The following KANSL1 variants were observed in gnomAD, a reference collection of about 807,000 sequenced individuals.
KANSL1 encodes MLL1/MLL complex subunit KANSL1.
A neutral mutation model predicts 103.6 loss-of-function variants in KANSL1; 22 were observed. The observed-to-expected ratio is 0.21, with a 90% CI of 0.15 to 0.30. KANSL1 has a LOEUF of 0.30. Among genes scored for constraint, KANSL1 ranks in the 10% least tolerant of loss-of-function variants. The pLI is 1.00. For missense variants in KANSL1, 1,337 were observed against 1,399.8 expected, an observed-to-expected ratio of 0.96 and a Z score of 0.72; for synonymous variants, 600 against 527.6, an observed-to-expected ratio of 1.14 and a Z score of -1.88.
rs780165589 is a variant in KANSL1 at position 46,031,618 on chromosome 17, C to T, written c.3176G>A (p.Arg1059Gln). Residue 1059 changes from arginine (R) to glutamine (Q), a missense_variant, in exon 15 of 15, where the codon CGA becomes CAA. Physicochemically the swap from Arg to Gln is conservative, Grantham distance 43. Around this residue, in one of 2 missense-constraint regions of KANSL1, gnomAD observed 780 missense variants for 923.4 expected, o/e 0.84. Transcript: ENST00000432791. ...ECEDQLDAQE[R>Q]AARCTRRTSG... ...GGTGCGTCGAGTGCAGCGGGCTGCT[C>T]GCTCCTGTGCATCCAGCTGGTCCTC... 3.7e-6 allele frequency: 6 copies of T among 1,613,946 alleles called. No homozygotes were observed. Among genetic ancestry groups the T allele is most frequent in the African/African-American group, 2.7e-5 (2 of 74,910 alleles).
At chr17:46,195,942 A>G (rs2047592734), upstream of KANSL1, 1 of 158,896 alleles carries the variant, frequency 6.3e-6, no homozygotes, top group Non-Finnish European at 1.4e-5. Context: ...AACAAACAAA[A>G]AAAGATTTAA....
intron 1 of KANSL1, among the ~76,000 whole-genome samples, chr17:46,172,981 C>G (rs1257932407): frequency 2.0e-5 from 3 of 152,208 alleles, no homozygotes; most frequent in Non-Finnish European, 4.4e-5. Flanking sequence ...AAATAACTGT[C>G]TCTGCACTCT....
At chr17:46,096,530 G>A (rs1256127406) in intron 2 of KANSL1, among the ~76,000 whole-genome samples, 1 of 151,726 alleles carries the variant, frequency 6.6e-6, no homozygotes, top group Non-Finnish European at 1.5e-5. Flanking sequence ...ATGTTGGTCA[G>A]GCTGGTCTCA....
At chr17:46,094,413 T>C in intron 3 of KANSL1, 147 bp downstream of exon 3, 1 of 1,015,296 alleles carries the variant, frequency 9.8e-7, no homozygotes, top group Non-Finnish European at 1.4e-6. Flanking sequence ...GGTTCTTAAA[T>C]TAAACCACTA....
At chr17:46,169,869 A>G (rs918936991) in intron 2 of KANSL1, among the ~76,000 whole-genome samples, 4 of 152,226 alleles carry the variant, frequency 2.6e-5, no homozygotes, top group African/African-American at 9.7e-5. Flanking sequence ...AATTTTCTCA[A>G]ACCAACAGAT....
chr17:46,183,630 G>C (rs1465229011), intron 1 of KANSL1, among the ~76,000 whole-genome samples: 1 of 150,870 alleles, frequency 6.6e-6, no homozygotes, highest in Admixed American at 6.6e-5. Flanking sequence ...GAAAAGGAGG[G>C]AAAGAAGGAA....
At chr17:46,034,030 T>C (rs2077083013) in intron 11 of KANSL1, 131 bp downstream of exon 11, 4 of 1,154,962 alleles carry the variant, frequency 3.5e-6, no homozygotes, top group African/African-American at 3.1e-5. Context: ...TTCGTTCTTA[T>C]CAGATAAGAA....
chr17:46,092,163 A>G (rs1316053388), intron 3 of KANSL1, among the ~76,000 whole-genome samples: 2 of 152,168 alleles, frequency 1.3e-5, no homozygotes, highest in Non-Finnish European at 2.9e-5. Flanking sequence ...GCACTTTATG[A>G]TGTTCACGCA....
Position 46,082,280 on chromosome 17 carries a change from C to T in KANSL1, c.1533+161G>A, listed in dbSNP as rs117475340. Among the ~76,000 whole-genome samples, 1,364 of 152,250 alleles carry T rather than the reference C, an allele frequency of 9.0e-3. 7 individuals carry two copies. The highest frequency in any genetic ancestry group is 0.012 in the Non-Finnish European group (808 of 68,022). The stretch of plus-strand genomic sequence containing the variant: ...AGCTGCAGGATGGGCCCTAGATTCC[C>T]TATTCAGGAATTCAGATCTTAAAAC... On this transcript the variant is annotated intron_variant, in intron 4 of 14. Transcript: ENST00000432791.
At chr17:46,184,837 C>CT (rs66507225) in intron 1 of KANSL1, among the ~76,000 whole-genome samples, 8,605 of 128,162 alleles carry the variant, frequency 0.067, 924 homozygotes, top group African/African-American at 0.21. Flanking sequence ...AGAGTATGTA[C>CT]TTTTTTTTTT....
At position 46,123,151 on chromosome 17, in the gene KANSL1, C is replaced by A. The variant is rs184286499; in HGVS notation, c.1290-28450G>T. Among the ~76,000 whole-genome samples the A allele has an allele frequency of 2.0e-5, 3 of 152,292 alleles. No homozygotes were observed. The East Asian group carries it at 5.8e-4, about 29-fold the overall frequency. ...CAACACTTTGGGAGGCGGCGGCAGG[C>A]GGATCACCTGAGGTCAAGAGTTTGA... On this transcript the variant is annotated intron_variant, in intron 2 of 14. Coordinates refer to ENST00000432791, the MANE Select transcript of KANSL1 (RefSeq NM_015443.4).
intron 1 of KANSL1, among the ~76,000 whole-genome samples, chr17:46,183,761 G>C (rs1296344435): frequency 6.6e-6 from 1 of 152,094 alleles, no homozygotes; most frequent in Non-Finnish European, 1.5e-5. Flanking sequence ...GACCAGCCTG[G>C]CCAACACAGC....
At chr17:46,066,246 G>C (rs1185549102) in intron 6 of KANSL1, among the ~76,000 whole-genome samples, 3 of 152,172 alleles carry the variant, frequency 2.0e-5, no homozygotes, top group Non-Finnish European at 4.4e-5. Flanking sequence ...CCTTCAAAGT[G>C]TTAAGGGCAG....
chr17:46,211,130 A>T (rs1317845971), intron 1 of KANSL1, among the ~76,000 whole-genome samples: 1 of 152,174 alleles, frequency 6.6e-6, no homozygotes, highest in African/African-American at 2.4e-5. Context: ...CAGGAAAAAA[A>T]ATCTAAGCTA....
intron 2 of KANSL1, among the ~76,000 whole-genome samples, chr17:46,169,817 AC>A (rs1321470341): frequency 1.3e-5 from 2 of 152,228 alleles, no homozygotes; most frequent in Non-Finnish European, 2.9e-5. Flanking sequence ...CTCTGTCTCC[AC>A]CATGCCAATT....
intron 2 of KANSL1, among the ~76,000 whole-genome samples, chr17:46,098,951 G>A (rs2042191990): frequency 6.6e-6 from 1 of 152,306 alleles, no homozygotes; most frequent in South Asian, 2.1e-4. Flanking sequence ...ATATGAAGAT[G>A]TTACCATACT....
At chr17:46,111,306 G>GTT (rs56280414) in intron 2 of KANSL1, among the ~76,000 whole-genome samples, 21,626 of 151,892 alleles carry the variant, frequency 0.14, 2,108 homozygotes, top group Non-Finnish European at 0.22. Context: ...CGCCTCCCGG[G>GTT]CAAGCCATTC....
chr17:46,182,219 A>C (rs560881505), intron 1 of KANSL1, among the ~76,000 whole-genome samples: 1 of 152,306 alleles, frequency 6.6e-6, no homozygotes, highest in South Asian at 2.1e-4. Context: ...TTTTACTAAG[A>C]AGAGAAAAAG....
intron 2 of KANSL1, among the ~76,000 whole-genome samples, chr17:46,120,461 A>T (rs1332030255): frequency 6.6e-6 from 1 of 152,222 alleles, no homozygotes; most frequent in Non-Finnish European, 1.5e-5. Context: ...GAAAGAAAGG[A>T]GGTCTACTGT....
Sources: gnomAD v4.1 joint callset for allele counts (sites outside exome capture counted in the v4.1 genomes callset) on GRCh38, gnomAD v4.1.1 for gene constraint, gnomAD v4.1.1 regional missense constraint, MANE v1.5 for transcripts, NCBI Gene and HGNC (gene_info 2026-07-23, HGNC 2026-07-21) for gene names.